UST: variants seen among roughly 807,000 people sequenced by gnomAD.
UST encodes chondroitin sulfate 2-O-sulfotransferase.
In UST, 21 loss-of-function variants were observed where a neutral mutation model predicts 45.6. That is an observed-to-expected ratio of 0.46 (90% CI 0.33 to 0.66). The LOEUF (loss-of-function observed/expected upper bound fraction) is 0.66. UST is among the 30% of genes least tolerant of loss of function. The pLI is 0.02. For synonymous variants in UST, 215 were observed against 200.6 expected (o/e 1.07, Z -0.61); for missense variants, 463 against 512.4 (o/e 0.90, Z 0.93).
Position 148,769,750 on chromosome 6 carries a change from TTGTGTG to T in UST, c.247+22101_247+22106del, listed in dbSNP as rs57316536. Among the ~76,000 whole-genome samples, 266 of 148,044 alleles carry T rather than the reference TTGTGTG, an allele frequency of 1.8e-3. 1 individual carries two copies. Among genetic ancestry groups the T allele is most frequent in the Middle Eastern group, 3.5e-3 (1 of 288 alleles). On this transcript the variant is annotated intron_variant, in intron 1 of 7. Transcript: ENST00000367463. ...AGTATAGGAATGTAGGAGCCTGTGT[TTGTGTG>T]TGTGTGTGTGTGTGTGTGTGTGTGT...
chr6:148,870,838 T>C (rs990209493), intron 1 of UST, among the ~76,000 whole-genome samples: 6 of 152,180 alleles, frequency 3.9e-5, no homozygotes, highest in African/African-American at 1.4e-4. Context: ...TACATCACTC[T>C]GTATTTACTC....
At chr6:148,783,549 G>C (rs1426559743) in intron 1 of UST, among the ~76,000 whole-genome samples, 3 of 152,054 alleles carry the variant, frequency 2.0e-5, no homozygotes, top group Admixed American at 1.3e-4. Context: ...TTCCTTCTTA[G>C]GAAAAATTAT....
chr6:148,764,135 G>A (rs1231483525), intron 1 of UST, among the ~76,000 whole-genome samples: 1 of 152,068 alleles, frequency 6.6e-6, no homozygotes, highest in Non-Finnish European at 1.5e-5. Flanking sequence ...TGCTTGGGAT[G>A]CTTTTCCATT....
intron 1 of UST, among the ~76,000 whole-genome samples, chr6:148,801,029 A>G (rs1483020853): frequency 6.6e-6 from 1 of 152,210 alleles, no homozygotes; most frequent in Non-Finnish European, 1.5e-5. Flanking sequence ...AGATCTTTGA[A>G]GTTAATGAAC....
At chr6:149,042,462 A>G (rs1430026502) in intron 7 of UST, among the ~76,000 whole-genome samples, 1 of 152,102 alleles carries the variant, frequency 6.6e-6, no homozygotes, top group Non-Finnish European at 1.5e-5. Context: ...GAGAAACCCT[A>G]TTTGTGGGTA....
chr6:148,971,054 G>T (rs1454625664), intron 5 of UST, among the ~76,000 whole-genome samples: 2 of 152,166 alleles, frequency 1.3e-5, no homozygotes, highest in Non-Finnish European at 2.9e-5. Flanking sequence ...TGTCATCAAG[G>T]ATAACTTAGC....
At position 148,888,023 on chromosome 6, in the gene UST, C is replaced by T. The variant is rs541871262; in HGVS notation, c.291+994C>T. On this transcript the variant is annotated intron_variant, in intron 2 of 7. Transcript: ENST00000367463. Reference sequence around the variant, plus strand: ...AATTTACTCCTGTATTAGTCCATTCCTGCATTGCTATAAAGAAATACCCGA... The same window carrying T: ...AATTTACTCCTGTATTAGTCCATTCTTGCATTGCTATAAAGAAATACCCGA... 3.9e-5 allele frequency among the ~76,000 whole-genome samples: 6 copies of T among 152,282 alleles called. No individual in the cohort carries two copies. The South Asian group carries it at 8.3e-4, about 21-fold the overall frequency.
At chr6:148,793,174 T>C (rs1350260841) in intron 1 of UST, among the ~76,000 whole-genome samples, 1 of 152,176 alleles carries the variant, frequency 6.6e-6, no homozygotes, top group Non-Finnish European at 1.5e-5. Context: ...TCTAAAAATG[T>C]AGCCAGTAGT....
At chr6:149,040,103 G>A (rs1163562806) in intron 7 of UST, among the ~76,000 whole-genome samples, 1 of 152,192 alleles carries the variant, frequency 6.6e-6, no homozygotes, top group African/African-American at 2.4e-5. Flanking sequence ...AATTGCCACT[G>A]TTCTCTTTTT....
Position 148,748,415 on chromosome 6 carries a change from G to C in UST, c.247+738G>C, listed in dbSNP as rs933579546. Among the ~76,000 whole-genome samples, 4 of 113,220 alleles carry C rather than the reference G, an allele frequency of 3.5e-5. No homozygotes were observed. The highest frequency in any genetic ancestry group is 8.6e-5 in the African/African-American group (3 of 34,916). 74.3% of individuals were successfully genotyped at this position (113,220 alleles called of 152,430 possible). Reference sequence around the variant, plus strand: ...AGTCAAAACTTGTGTGTGTGTGTGTGTGTGTGTGTGTGTGTGTGTGTGTGT... The same window carrying C: ...AGTCAAAACTTGTGTGTGTGTGTGTCTGTGTGTGTGTGTGTGTGTGTGTGT... On this transcript the variant is annotated intron_variant, in intron 1 of 7. Transcript: ENST00000367463. The surrounding 1 kb of genome is among the most constrained non-coding windows in gnomAD (Gnocchi z 5.3).
intron 1 of UST, among the ~76,000 whole-genome samples, chr6:148,845,447 T>G (rs558019074): frequency 1.3e-5 from 2 of 152,342 alleles, no homozygotes; most frequent in South Asian, 4.1e-4. Flanking sequence ...TTCATTGATT[T>G]TTATTGCCAA....
At position 148,950,160 on chromosome 6, in the gene UST, A is replaced by T. The variant is rs75396212; in HGVS notation, c.448-3712A>T. ...CTTTTGTGCCTTAGCATCCCTTGGAAGGCTTGGCAAAACACAGACTGCTGG... is the reference window on the plus strand; with the variant it reads ...CTTTTGTGCCTTAGCATCCCTTGGATGGCTTGGCAAAACACAGACTGCTGG... On this transcript the variant is annotated intron_variant, in intron 3 of 7. Coordinates refer to ENST00000367463, the MANE Select transcript of UST (RefSeq NM_005715.3). Among the ~76,000 whole-genome samples, 432 of 152,260 alleles carry T rather than the reference A, an allele frequency of 2.8e-3. 13 individuals are homozygous for T. The East Asian group carries it at 0.075, about 26-fold the overall frequency.
intron 2 of UST, among the ~76,000 whole-genome samples, chr6:148,893,775 A>G (rs1779066341): frequency 6.6e-6 from 1 of 152,182 alleles, no homozygotes; most frequent in Admixed American, 6.5e-5. Context: ...CACTCAACAC[A>G]AGGAGAATGC....
chr6:149,043,005 TTCTTTC>T (rs1277719533), intron 7 of UST, among the ~76,000 whole-genome samples: 2 of 117,346 alleles, frequency 1.7e-5, no homozygotes, highest in African/African-American at 8.2e-5. Context: ...CTTTCTTTCT[TTCTTTC>T]TTTCTTTCTT....
chr6:148,950,976 G>C (rs939712997), intron 3 of UST, among the ~76,000 whole-genome samples: 1 of 152,248 alleles, frequency 6.6e-6, no homozygotes, highest in African/African-American at 2.4e-5. Context: ...GCTACTTGGA[G>C]GGGTAGATAT....
At chr6:148,830,081 A>T (rs1777652606) in intron 1 of UST, among the ~76,000 whole-genome samples, 1 of 152,160 alleles carries the variant, frequency 6.6e-6, no homozygotes, top group Admixed American at 6.6e-5. Flanking sequence ...AAAACAGCAA[A>T]ACCTGAGATC....
rs146440832 is a variant in UST, at chr6:148,992,197, C to G, written c.682-26942C>G. ...ATGAAAACCAGTTGGTTCTTGTGGA[C>G]CCCTTAAAGAGTTTTAGAGTCCCGA... On this transcript the variant is annotated intron_variant, in intron 5 of 7. Coordinates refer to ENST00000367463, the MANE Select transcript of UST (RefSeq NM_005715.3). 4.9e-4 allele frequency among the ~76,000 whole-genome samples: 74 copies of G among 152,270 alleles called. 1 individual carries two copies. Among genetic ancestry groups the G allele is most frequent in the Non-Finnish European group, 1.0e-3 (68 of 68,016 alleles).
chr6:148,997,032 A>C (rs1015022069), intron 5 of UST, among the ~76,000 whole-genome samples: 2 of 152,242 alleles, frequency 1.3e-5, no homozygotes, highest in Non-Finnish European at 2.9e-5. Context: ...TAATGAACAT[A>C]GTACCCAGTA....
chr6:148,900,304 C>T (rs909467959), intron 2 of UST, among the ~76,000 whole-genome samples: 3 of 152,056 alleles, frequency 2.0e-5, no homozygotes, highest in South Asian at 4.1e-4. Context: ...TCTTCTGTAT[C>T]GATATGGTTT....
Sources: allele counts gnomAD v4.1 joint callset (sites outside exome capture counted in the v4.1 genomes callset), GRCh38; gene constraint gnomAD v4.1.1; non-coding constraint Gnocchi (gnomAD v3.1); transcripts MANE v1.5; gene names NCBI Gene and HGNC (gene_info 2026-07-23, HGNC 2026-07-21).